Variants in ENOX2 observed in about 807,000 individuals in gnomAD.
ENOX2 encodes ecto-NOX disulfide-thiol exchanger 2.
Under a neutral mutation model 45.0 loss-of-function variants are expected in ENOX2, and 36 were observed. The observed-to-expected ratio is 0.80, with a 90% CI of 0.61 to 1.06. The LOEUF (loss-of-function observed/expected upper bound fraction) is 1.06. ENOX2 is among the 50% of genes least tolerant of loss of function. The pLI, the probability that ENOX2 is intolerant of heterozygous loss-of-function variation, is 0.00. For missense variants in ENOX2, 423 were observed against 462.5 expected (o/e 0.91, Z 0.78); for synonymous variants, 174 against 152.3 (o/e 1.14, Z -1.05).
At chrX:130,787,889 C>T (rs903825326) in intron 2 of ENOX2, among the ~76,000 whole-genome samples, 7 of 111,382 alleles carry the variant, frequency 6.3e-5, no homozygotes, top group African/African-American at 2.3e-4. Context: ...TAAGCTGACT[C>T]GCTGAACACA....
chrX:130,631,477 G>A lies in ENOX2; in HGVS notation c.1519C>T (p.Leu507=). The A allele has an allele frequency of 1.7e-6, 2 of 1,164,167 alleles. No individual in the cohort carries two copies. The highest frequency in any genetic ancestry group is 2.3e-6 in the Non-Finnish European group (2 of 852,332). The change falls in exon 13 of 15, where the codon CTG becomes TTG. Residue 507 remains leucine, a synonymous_variant. Coordinates refer to ENST00000394363, the MANE Select transcript of ENOX2 (RefSeq NM_006375.4). ...GCATTAGCTTCCTTACCCACTAGCAGTGCTTCACGTTCAGATTTGATAGGA... is the reference window on the plus strand; with the variant it reads ...GCATTAGCTTCCTTACCCACTAGCAATGCTTCACGTTCAGATTTGATAGGA... ...SSPIKSEREA[L]LVGIISTFLH... is the part of the protein sequence containing the mutation.
chrX:130,630,246 TA>T (rs919541618), intron 13 of ENOX2, among the ~76,000 whole-genome samples: 1 of 110,956 alleles, frequency 9.0e-6, no homozygotes, highest in African/African-American at 3.3e-5. Context: ...TGTGATATAA[TA>T]AAAAAATTAA....
chrX:130,822,818 T>C (rs1465174212), intron 2 of ENOX2, among the ~76,000 whole-genome samples: 2 of 112,295 alleles, frequency 1.8e-5, no homozygotes, highest in South Asian at 3.7e-4. Context: ...AATACTTTAT[T>C]ATAAAATGGG....
intron 3 of ENOX2, among the ~76,000 whole-genome samples, chrX:130,771,567 CT>C (rs1192552778): frequency 8.9e-6 from 1 of 112,103 alleles, no homozygotes; most frequent in Non-Finnish European, 1.9e-5. Context: ...GATCTATCTC[CT>C]CTTCTCCATC....
intron 10 of ENOX2, among the ~76,000 whole-genome samples, chrX:130,643,578 A>G (rs1308472146): frequency 8.9e-6 from 1 of 112,217 alleles, no homozygotes; most frequent in Non-Finnish European, 1.9e-5. Context: ...AGAGCAATGA[A>G]ATTTATCAGG....
chrX:130,845,382 AT>A (rs2078082772), intron 2 of ENOX2, among the ~76,000 whole-genome samples: 1 of 112,748 alleles, frequency 8.9e-6, no homozygotes, highest in South Asian at 3.7e-4. Flanking sequence ...CCTTGCCAAC[AT>A]TGAAGATGGG....
chrX:130,740,872 G>A (rs1418464620), intron 3 of ENOX2, among the ~76,000 whole-genome samples: 1 of 111,614 alleles, frequency 9.0e-6, no homozygotes, highest in Non-Finnish European at 1.9e-5. Context: ...TGGGTCTCAG[G>A]ATTACCACTT....
intron 4 of ENOX2, among the ~76,000 whole-genome samples, chrX:130,690,219 A>G (rs1334871911): frequency 1.8e-5 from 2 of 111,412 alleles, no homozygotes; most frequent in Non-Finnish European, 3.8e-5. Context: ...TTACAACCAG[A>G]ATACAAGGAG....
At chrX:130,713,894 T>G (rs182154570) in intron 3 of ENOX2, among the ~76,000 whole-genome samples, 1 of 111,576 alleles carries the variant, frequency 9.0e-6, no homozygotes, top group Non-Finnish European at 1.9e-5. Flanking sequence ...ATCTTAATAT[T>G]TAAACTAATC....
intron 2 of ENOX2, among the ~76,000 whole-genome samples, chrX:130,870,142 T>C (rs1441576264): frequency 2.7e-5 from 3 of 111,149 alleles, no homozygotes; most frequent in Admixed American, 9.5e-5. Flanking sequence ...TGATGGGGTC[T>C]TATCTGGGGT....
At chrX:130,861,229 A>G (rs1309872095) in intron 2 of ENOX2, among the ~76,000 whole-genome samples, 6 of 112,323 alleles carry the variant, frequency 5.3e-5, no homozygotes, top group Admixed American at 3.8e-4. Flanking sequence ...TATAACTACC[A>G]TATGATCCAG....
intron 3 of ENOX2, among the ~76,000 whole-genome samples, chrX:130,773,440 G>T (rs2039786741): frequency 8.9e-6 from 1 of 112,335 alleles, no homozygotes; most frequent in South Asian, 3.7e-4. Flanking sequence ...AATCTGTAAA[G>T]AAGTGGGGAA....
intron 2 of ENOX2, among the ~76,000 whole-genome samples, chrX:130,813,774 G>A (rs2077432247): frequency 8.9e-6 from 1 of 112,111 alleles, no homozygotes; most frequent in Non-Finnish European, 1.9e-5. Context: ...GATTCCCTCA[G>A]GTGCCTATAC....
At chrX:130,878,449 C>G (rs2078747681) in intron 2 of ENOX2, among the ~76,000 whole-genome samples, 1 of 111,411 alleles carries the variant, frequency 9.0e-6, no homozygotes, top group Non-Finnish European at 1.9e-5. Context: ...GCTCATCCCT[C>G]CAGTGGTCAT....
chrX:130,783,867 A>G (rs1235616166), intron 2 of ENOX2, among the ~76,000 whole-genome samples, 177 bp from the exon 3 acceptor site: 1 of 112,119 alleles, frequency 8.9e-6, no homozygotes, highest in East Asian at 2.8e-4. Context: ...TTCGGTAAGT[A>G]CAAAATTAAA....
In ENOX2 at chrX:130,624,655, T is replaced by C. The variant is rs2035497474; in HGVS notation, c.*659A>G. 8.8e-6 allele frequency: 1 copy of C among 113,041 alleles called. No individual in the cohort carries two copies. The highest frequency in any genetic ancestry group is 1.9e-5 in the Non-Finnish European group (1 of 53,454). 9.3% of individuals were successfully genotyped at this position (113,041 alleles called of 1,213,427 possible). On this transcript the variant is annotated 3_prime_UTR_variant, in exon 15 of 15. Transcript: ENST00000394363. Reference sequence around the variant, plus strand: ...TGCTTTCTGTAAACACATCTAGATGTACTTTTTACAATTCTGAAACAGATC... The same window carrying C: ...TGCTTTCTGTAAACACATCTAGATGCACTTTTTACAATTCTGAAACAGATC...
In ENOX2 at chrX:130,791,844, A is replaced by G. The variant is rs549134779; in HGVS notation, c.-182-8154T>C. Among the ~76,000 whole-genome samples, 4 of 112,288 alleles carry G rather than the reference A, an allele frequency of 3.6e-5. 1 individual carries two copies. In the South Asian group the frequency reaches 1.5e-3, roughly 42 times the overall value. ...ATTTCATTCTCTCTTTCTGAAGGGC[A>G]AAACAGTCCTTCCATTGACCAAGAC... On this transcript the variant is annotated intron_variant, in intron 2 of 14. Coordinates refer to ENST00000394363, the MANE Select transcript of ENOX2 (RefSeq NM_006375.4).
chrX:130,821,741 T>TAAAAAAA (rs1569505783), intron 2 of ENOX2, among the ~76,000 whole-genome samples: 4 of 24,196 alleles, frequency 1.7e-4, no homozygotes, highest in African/African-American at 5.7e-4. Flanking sequence ...AATAAATAAA[T>TAAAAAAA]TAAAAAAAAA....
intron 2 of ENOX2, among the ~76,000 whole-genome samples, chrX:130,787,281 G>A (rs766237361): frequency 8.0e-5 from 9 of 111,836 alleles, no homozygotes; most frequent in East Asian, 5.6e-4. Context: ...AGGATTTTCC[G>A]GAGGTTTGGA....
Sources: allele counts gnomAD v4.1 joint callset (sites outside exome capture counted in the v4.1 genomes callset), GRCh38; gene constraint gnomAD v4.1.1; transcripts MANE v1.5; gene names NCBI Gene and HGNC (gene_info 2026-07-23, HGNC 2026-07-21).